Variants in CTNNA1 observed in about 807,000 individuals in gnomAD.
The protein encoded by CTNNA1 is catenin alpha 1.
In CTNNA1, 37 loss-of-function variants were observed where a neutral mutation model predicts 98.4. That is an observed-to-expected ratio of 0.38 (90% confidence interval 0.29 to 0.49). CTNNA1 has a LOEUF of 0.49. Ranked by LOEUF, CTNNA1 falls within the 20% of genes least tolerant of loss-of-function variation. CTNNA1 has a pLI of 0.95. For missense variants in CTNNA1, 761 were observed against 1,147.2 expected (o/e 0.66, Z 4.86); for synonymous variants, 404 against 413.2 (o/e 0.98, Z 0.27).
intron 8 of CTNNA1, among the ~76,000 whole-genome samples, chr5:138,887,027 A>T (rs1414703634): frequency 6.6e-6 from 1 of 152,096 alleles, no homozygotes; most frequent in Non-Finnish European, 1.5e-5. Context: ...AATGGTTATA[A>T]AGAGAACCTT....
Position 138,874,702 on chromosome 5 carries a change from A to G in CTNNA1, c.1063-11510A>G. 2 of 740,240 alleles carry G rather than the reference A, an allele frequency of 2.7e-6. No homozygotes were observed. The highest frequency in any genetic ancestry group is 4.3e-6 in the Non-Finnish European group (2 of 463,634). The allele number at this position is 740,240 out of a possible 1,614,324, so 45.9% of individuals were successfully genotyped here. A position where few individuals can be genotyped will look rare whatever the true frequency, so the allele number is the denominator to read the frequency against. ...ATTTTTCATTTACTGCAGAAAAATT[A>G]ACCTTATTGGTATGACTGGACCAAA... On this transcript the variant is annotated intron_variant, in intron 7 of 17. Coordinates refer to ENST00000302763, the MANE Select transcript of CTNNA1 (RefSeq NM_001903.5). The surrounding 1 kb of genome is among the most constrained non-coding windows in gnomAD (Gnocchi z 4.1).
At chr5:138,824,216 A>G (rs1760403566) in intron 5 of CTNNA1, among the ~76,000 whole-genome samples, 2 of 152,164 alleles carry the variant, frequency 1.3e-5, no homozygotes, top group African/African-American at 4.8e-5. Flanking sequence ...TAAGAAAGGT[A>G]CTGTTACTGC....
chr5:138,861,312 C>T (rs1306910829), intron 7 of CTNNA1, among the ~76,000 whole-genome samples: 2 of 152,170 alleles, frequency 1.3e-5, no homozygotes, highest in South Asian at 2.1e-4. Flanking sequence ...TCCACCAACA[C>T]GCCTGGCTCT....
chr5:138,905,025 C>T (rs575839185), intron 10 of CTNNA1, among the ~76,000 whole-genome samples: 4 of 145,934 alleles, frequency 2.7e-5, no homozygotes, highest in South Asian at 2.2e-4. Context: ...ACCTGGGAGG[C>T]GGAGCTTGCA....
In CTNNA1 at chr5:138,810,132, C is replaced by T; in HGVS notation, c.396C>T (p.Leu132=). 1 of 1,614,164 alleles carries T rather than the reference C, an allele frequency of 6.2e-7. No individual in the cohort carries two copies. Among genetic ancestry groups the T allele is most frequent in the Non-Finnish European group, 8.5e-7 (1 of 1,180,028 alleles). ...GNMVRAARAL[L]SAVTRLLILA... The stretch of plus-strand genomic sequence containing the variant: ...TGGTTCGGGCAGCTCGAGCTTTGCT[C>T]TCTGCTGTTACCCGGTTGCTGATTT... Residue 132 remains leucine (L), a synonymous_variant, in exon 4 of 18, where the codon CTC becomes CTT. Transcript: ENST00000302763.
In CTNNA1 at chr5:138,878,047, T is replaced by G. The variant is rs1752044569; in HGVS notation, c.1063-8165T>G. On this transcript the variant is annotated intron_variant, in intron 7 of 17. Coordinates refer to ENST00000302763, the MANE Select transcript of CTNNA1 (RefSeq NM_001903.5). ...TACTAATAAATGGAGACTACTTAAA[T>G]TATATTATCTCAGTACTATTATAAC... 2.0e-5 allele frequency among the ~76,000 whole-genome samples: 3 copies of G among 152,304 alleles called. No individual in the cohort carries two copies. In the East Asian group the frequency reaches 5.8e-4, roughly 29 times the overall value.
intron 9 of CTNNA1, among the ~76,000 whole-genome samples, chr5:138,895,502 TTG>T (rs903998859): frequency 1.6e-5 from 2 of 127,904 alleles, no homozygotes; most frequent in African/African-American, 6.7e-5. Context: ...GAGCAGTTTT[TTG>T]GGGGGGGGGA....
intron 7 of CTNNA1, among the ~76,000 whole-genome samples, chr5:138,835,763 A>G (rs1029186206): frequency 1.3e-5 from 2 of 152,194 alleles, no homozygotes; most frequent in Non-Finnish European, 2.9e-5. Flanking sequence ...TGTGGGTGGT[A>G]AGAGGGCCTA....
intron 10 of CTNNA1, among the ~76,000 whole-genome samples, chr5:138,907,930 C>T (rs1274198639): frequency 6.6e-6 from 1 of 151,448 alleles, no homozygotes; most frequent in Non-Finnish European, 1.5e-5. Flanking sequence ...ACAGGTGGGA[C>T]CATTAGAGGA....
intron 9 of CTNNA1, among the ~76,000 whole-genome samples, chr5:138,901,139 G>A (rs1375486083): frequency 2.0e-5 from 3 of 151,596 alleles, no homozygotes; most frequent in African/African-American, 7.3e-5. Context: ...CTTCTCTTCC[G>A]CTCCCCTCCC....
intron 1 of CTNNA1, among the ~76,000 whole-genome samples, chr5:138,773,816 A>T (rs921225040): frequency 6.6e-6 from 1 of 151,314 alleles, no homozygotes; most frequent in Non-Finnish European, 1.5e-5. Context: ...GGCTGAAGCG[A>T]TCCTCCTGCC....
chr5:138,912,942 T>C (rs1004143169), intron 10 of CTNNA1, among the ~76,000 whole-genome samples: 1 of 152,154 alleles, frequency 6.6e-6, no homozygotes, highest in African/African-American at 2.4e-5. Flanking sequence ...CATACATAAT[T>C]GAATTTATAG....
Position 138,932,467 on chromosome 5 carries a change from AGAG to A in CTNNA1, c.2299-107_2299-105del, listed in dbSNP as rs2150348040. On this transcript the variant is annotated intron_variant, in intron 16 of 17. Transcript: ENST00000302763. ...GTAATTGGGTGATTTTGCTCCAGCA[AGAG>A]GAGAGGAAGCATGTGAGTGCCACAC... is the stretch of plus-strand genomic sequence containing the variant. 2.7e-6 allele frequency: 4 copies of A among 1,494,590 alleles called. No homozygotes were observed. The Admixed American group carries it at 8.7e-5, about 33-fold the overall frequency. 92.6% of individuals were successfully genotyped at this position (1,494,590 alleles called of 1,614,324 possible).
At chr5:138,787,694 T>C (rs1462972703) in intron 3 of CTNNA1, among the ~76,000 whole-genome samples, 1 of 152,238 alleles carries the variant, frequency 6.6e-6, no homozygotes, top group Non-Finnish European at 1.5e-5. Flanking sequence ...TTTGGGTTTG[T>C]ACATGTCCAT....
chr5:138,770,624 C>A (rs1753434108), intron 1 of CTNNA1, among the ~76,000 whole-genome samples: 2 of 152,202 alleles, frequency 1.3e-5, no homozygotes, highest in Admixed American at 6.5e-5. Context: ...TTAGTTCTTT[C>A]CTGACTATTA....
chr5:138,874,763 C>CT lies in CTNNA1; in HGVS notation c.1063-11448dup. On this transcript the variant is annotated intron_variant, in intron 7 of 17. Coordinates refer to ENST00000302763, the MANE Select transcript of CTNNA1 (RefSeq NM_001903.5). The surrounding 1 kb of genome is among the most constrained non-coding windows in gnomAD (Gnocchi z 4.1). ...TTTAAAAAGAAGATAAAACATGTCT[C>CT]TGTCATCATCGATATATGCTTTTAC... 1 of 802,798 alleles carries CT rather than the reference C, an allele frequency of 1.2e-6. No homozygotes were observed. Among genetic ancestry groups the CT allele is most frequent in the Non-Finnish European group, 2.0e-6 (1 of 501,698 alleles). The allele number at this position is 802,798 out of a possible 1,614,324, so 49.7% of individuals were successfully genotyped here.
chr5:138,857,495 T>TA (rs1472903901), intron 7 of CTNNA1, among the ~76,000 whole-genome samples: 1 of 152,102 alleles, frequency 6.6e-6, no homozygotes, highest in African/African-American at 2.4e-5. Context: ...AAAATTTTTT[T>TA]AAATAGAGAT....
chr5:138,849,568 T>C (rs1460942512), intron 7 of CTNNA1, among the ~76,000 whole-genome samples: 1 of 152,238 alleles, frequency 6.6e-6, no homozygotes, highest in African/African-American at 2.4e-5. Context: ...AAAATCTTTA[T>C]AGTTAAGCAG....
intron 7 of CTNNA1, among the ~76,000 whole-genome samples, chr5:138,851,108 T>C (rs751570977): frequency 6.6e-6 from 1 of 152,202 alleles, no homozygotes; most frequent in Admixed American, 6.5e-5. Context: ...ACCCATGATA[T>C]ATTCCTGGGA....
Sources: allele counts gnomAD v4.1 joint callset (sites outside exome capture counted in the v4.1 genomes callset), GRCh38; gene constraint gnomAD v4.1.1; non-coding constraint Gnocchi (gnomAD v3.1); transcripts MANE v1.5; gene names NCBI Gene and HGNC (gene_info 2026-07-23, HGNC 2026-07-21).